AFF2: variants seen among roughly 807,000 people sequenced by gnomAD.
AFF2 encodes the protein AF4/FMR2 family member 2.
AFF2 carries 14 observed loss-of-function variants against 76.9 expected under a neutral mutation model. The observed-to-expected ratio is 0.18, with a 90% CI of 0.12 to 0.28. The LOEUF (loss-of-function observed/expected upper bound fraction) is 0.28, where lower values mean the gene tolerates loss of function less well. Ranked by LOEUF, AFF2 falls within the 10% of genes least tolerant of loss-of-function variation. The pLI is 1.00. For synonymous variants in AFF2, 398 were observed against 366.7 expected, an observed-to-expected ratio of 1.09 and a Z score of -0.98; for missense variants, 868 against 1,001.1, an observed-to-expected ratio of 0.87 and a Z score of 1.79.
At chrX:148,727,389 C>T (rs1459530018) in intron 3 of AFF2, among the ~76,000 whole-genome samples, 1 of 111,911 alleles carries the variant, frequency 8.9e-6, no homozygotes, top group Admixed American at 9.5e-5. Context: ...CACCATATCA[C>T]TTTGCAGAAT....
chrX:148,719,351 T>G lies in AFF2; in HGVS notation c.1041+56583T>G, dbSNP rs2055065528. 5 of 474,204 alleles carry G rather than the reference T, an allele frequency of 1.1e-5. No individual in the cohort carries two copies. The South Asian group carries it at 2.2e-4, about 21-fold the overall frequency. 39.1% of individuals were successfully genotyped at this position (474,204 alleles called of 1,213,427 possible). A position where few individuals can be genotyped will look rare whatever the true frequency, so the allele number is the denominator to read the frequency against. ...TGAGGTATTTCCTTTGGCTTAAAGC[T>G]ATCCAAAGCACTGATTTAAATACAG... On this transcript the variant is annotated intron_variant, in intron 3 of 20. Coordinates refer to ENST00000370460, the MANE Select transcript of AFF2 (RefSeq NM_002025.4).
intron 1 of AFF2, among the ~76,000 whole-genome samples, chrX:148,542,170 G>A (rs782739659): frequency 9.1e-6 from 1 of 109,767 alleles, no homozygotes; most frequent in African/African-American, 3.3e-5. Flanking sequence ...CTCTGTGCAA[G>A]TCATATATGT....
chrX:148,584,878 A>G (rs1459730290), intron 1 of AFF2, among the ~76,000 whole-genome samples: 2 of 111,631 alleles, frequency 1.8e-5, no homozygotes, highest in Non-Finnish European at 3.8e-5. Flanking sequence ...CTTAGTGGCA[A>G]GTGCTATTTA....
intron 4 of AFF2, among the ~76,000 whole-genome samples, chrX:148,812,783 G>A (rs1012121670): frequency 8.9e-6 from 1 of 111,832 alleles, no homozygotes; most frequent in African/African-American, 3.3e-5. Flanking sequence ...TTTGCCTTAT[G>A]TGTTTTGTTA....
chrX:148,510,497 C>T (rs1603225721), intron 1 of AFF2, among the ~76,000 whole-genome samples: 1 of 111,448 alleles, frequency 9.0e-6, no homozygotes, highest in South Asian at 3.8e-4. Flanking sequence ...AGTGGCAAGC[C>T]CTGCTTGTGC....
intron 9 of AFF2, among the ~76,000 whole-genome samples, chrX:148,929,963 A>G (rs938828581): frequency 8.9e-6 from 1 of 111,862 alleles, no homozygotes; most frequent in Non-Finnish European, 1.9e-5. Context: ...GTGACACAAG[A>G]AGCTGGAGAT....
intron 1 of AFF2, among the ~76,000 whole-genome samples, chrX:148,641,479 A>G (rs2054088918): frequency 8.9e-6 from 1 of 111,835 alleles, no homozygotes; most frequent in Non-Finnish European, 1.9e-5. Context: ...TAGGTAGAGT[A>G]GAAGGGACAG....
Position 148,523,162 on chromosome X carries a change from A to G in AFF2, c.47+22018A>G, listed in dbSNP as rs782320363. 3.6e-5 allele frequency among the ~76,000 whole-genome samples: 4 copies of G among 112,543 alleles called. No homozygotes were observed. The East Asian group carries it at 1.1e-3, about 31-fold the overall frequency. On this transcript the variant is annotated intron_variant, in intron 1 of 20. Coordinates refer to ENST00000370460, the MANE Select transcript of AFF2 (RefSeq NM_002025.4). ...GCTAATGTTAATATCAATTTTCAAC[A>G]TTAATAATAAAATGAGCAGAATGAA...
chrX:148,865,668 A>C (rs1446394123), intron 7 of AFF2, among the ~76,000 whole-genome samples: 2 of 112,260 alleles, frequency 1.8e-5, no homozygotes, highest in Non-Finnish European at 3.8e-5. Context: ...ACAATACATT[A>C]CTTTAAAAAA....
At chrX:148,737,521 G>C (rs1011726791) in intron 3 of AFF2, among the ~76,000 whole-genome samples, 3 of 111,433 alleles carry the variant, frequency 2.7e-5, no homozygotes, top group Non-Finnish European at 3.8e-5. Flanking sequence ...TTCTGGAGGA[G>C]TCCTTAGGGT....
At chrX:148,531,553 G>A (rs2052730399) in intron 1 of AFF2, among the ~76,000 whole-genome samples, 1 of 112,512 alleles carries the variant, frequency 8.9e-6, no homozygotes, top group South Asian at 3.7e-4. Context: ...ACCTCTCTGA[G>A]CCTCAGTGTC....
At position 148,851,746 on chromosome X, in the gene AFF2, CT is replaced by C. The variant is rs1159884086; in HGVS notation, c.1262+8322del. On this transcript the variant is annotated intron_variant, in intron 7 of 20. Coordinates refer to ENST00000370460, the MANE Select transcript of AFF2 (RefSeq NM_002025.4). ...TACATAGAATATTTCTTCTTTTTTTCTTTTTTTTTAACTTTTATTTTAGGTT... is the reference window on the plus strand; with the variant it reads ...TACATAGAATATTTCTTCTTTTTTTCTTTTTTTTAACTTTTATTTTAGGTT... 7.3e-5 allele frequency among the ~76,000 whole-genome samples: 8 copies of C among 109,555 alleles called. No homozygotes were observed. In the East Asian group the frequency reaches 1.7e-3, roughly 24 times the overall value.
rs2072630709 is a variant in AFF2 at position 148,998,268 on chromosome X, TGTC to T, written c.*6937_*6939del. The stretch of plus-strand genomic sequence containing the variant: ...TGTGGCTGTGATGGTTGTTGTTACT[TGTC>T]TCTCTCTCTCTCTGGCTCTGGCTTT... On this transcript the variant is annotated 3_prime_UTR_variant, in exon 21 of 21. Coordinates refer to ENST00000370460, the MANE Select transcript of AFF2 (RefSeq NM_002025.4). The T allele has an allele frequency of 1.8e-5, 2 of 112,220 alleles. No individual in the cohort carries two copies. The highest frequency in any genetic ancestry group is 6.5e-5 in the African/African-American group (2 of 30,789). 9.2% of individuals were successfully genotyped at this position (112,220 alleles called of 1,213,427 possible).
chrX:148,792,439 G>C lies in AFF2; in HGVS notation c.1042-17437G>C, dbSNP rs782308703. ...CTGCACTCCAGCCTGGGCGATAAGA[G>C]CGAGACTCCGTCTCCAAAAAATAAA... On this transcript the variant is annotated intron_variant, in intron 3 of 20. Coordinates refer to ENST00000370460, the MANE Select transcript of AFF2 (RefSeq NM_002025.4). Among the ~76,000 whole-genome samples, 41 of 112,632 alleles carry C rather than the reference G, an allele frequency of 3.6e-4. No individual in the cohort carries two copies. In the South Asian group the frequency reaches 0.014, roughly 38 times the overall value.
intron 4 of AFF2, among the ~76,000 whole-genome samples, chrX:148,829,128 G>A (rs185500381): frequency 4.4e-4 from 49 of 112,310 alleles, no homozygotes; most frequent in African/African-American, 1.4e-3. Flanking sequence ...AAGAAACATC[G>A]CCAGGGTTTT....
intron 1 of AFF2, among the ~76,000 whole-genome samples, chrX:148,567,954 C>T (rs1429252812): frequency 3.6e-5 from 4 of 110,955 alleles, no homozygotes; most frequent in African/African-American, 1.3e-4. Context: ...CAGCAGTCTC[C>T]AGCATACTGG....
intron 3 of AFF2, among the ~76,000 whole-genome samples, chrX:148,740,568 T>C (rs781805651): frequency 8.9e-6 from 1 of 112,423 alleles, no homozygotes; most frequent in Non-Finnish European, 1.9e-5. Context: ...GTATCATTTT[T>C]TGGATTTCCT....
At chrX:148,986,272 G>A (rs1479486491) in intron 19 of AFF2, among the ~76,000 whole-genome samples, 3 of 112,029 alleles carry the variant, frequency 2.7e-5, no homozygotes, top group South Asian at 3.7e-4. Context: ...AAATTGATGC[G>A]TTTGCCTGGG....
chrX:148,642,792 G>A (rs1163772931), intron 1 of AFF2, among the ~76,000 whole-genome samples: 1 of 112,074 alleles, frequency 8.9e-6, no homozygotes, highest in Non-Finnish European at 1.9e-5. Context: ...GGAAAAGGAA[G>A]ACCTCATCGA....
Sources: allele counts gnomAD v4.1 joint callset (sites outside exome capture counted in the v4.1 genomes callset), GRCh38; gene constraint gnomAD v4.1.1; transcripts MANE v1.5; gene names NCBI Gene and HGNC (gene_info 2026-07-23, HGNC 2026-07-21).